Variants in VPS54 observed in about 807,000 individuals in gnomAD.
VPS54 encodes the protein VPS54 subunit of GARP complex.
Under a neutral mutation model 121.5 loss-of-function variants are expected in VPS54, and 45 were observed. That is an observed-to-expected ratio of 0.37 (90% CI 0.29 to 0.47). The LOEUF is 0.47. Ranked by LOEUF, VPS54 falls within the 20% of genes least tolerant of loss-of-function variation. The pLI is 0.99. For missense variants in VPS54, 1,090 were observed against 1,131.4 expected (o/e 0.96, Z 0.52); for synonymous variants, 371 against 385.8 (o/e 0.96, Z 0.45).
intron 20 of VPS54, among the ~76,000 whole-genome samples, chr2:63,904,697 C>G (rs1672834265): frequency 6.6e-6 from 1 of 152,096 alleles, no homozygotes; most frequent in South Asian, 2.1e-4. Context: ...CCAACCAACA[C>G]CACTTAGTTG....
chr2:64,004,819 C>T (rs1248814781), intron 1 of VPS54, among the ~76,000 whole-genome samples: 1 of 152,166 alleles, frequency 6.6e-6, no homozygotes, highest in African/African-American at 2.4e-5. Flanking sequence ...CTCACTGTCA[C>T]CCAGGCTGGA....
chr2:63,902,414 C>T (rs1300578185), intron 20 of VPS54, among the ~76,000 whole-genome samples: 1 of 152,166 alleles, frequency 6.6e-6, no homozygotes, highest in Non-Finnish European at 1.5e-5. Flanking sequence ...ACAAAACAGA[C>T]ACCTAGCTTG....
chr2:63,911,717 A>G (rs1305979424), intron 20 of VPS54, among the ~76,000 whole-genome samples: 1 of 152,224 alleles, frequency 6.6e-6, no homozygotes, highest in Non-Finnish European at 1.5e-5. Context: ...GTTCTTTGCT[A>G]TTAAGGTTAT....
chr2:63,977,973 G>T (rs528090876), intron 3 of VPS54, among the ~76,000 whole-genome samples: 2 of 152,256 alleles, frequency 1.3e-5, no homozygotes, highest in South Asian at 4.1e-4. Context: ...CTTAAATAAG[G>T]TCTGAGACAT....
intron 13 of VPS54, 98 bp from the exon 14 acceptor site, chr2:63,920,725 A>G: frequency 1.5e-6 from 1 of 675,774 alleles, no homozygotes. Flanking sequence ...TATATTTTTT[A>G]TTTTAATAAT....
intron 3 of VPS54, among the ~76,000 whole-genome samples, chr2:63,980,308 T>C (rs1218731658): frequency 6.6e-6 from 1 of 152,146 alleles, no homozygotes; most frequent in Non-Finnish European, 1.5e-5. Flanking sequence ...TATATATTTT[T>C]TCCTCCTTTC....
At position 63,893,194 on chromosome 2, in the gene VPS54, G is replaced by GA; in HGVS notation, c.*235dup. On this transcript the variant is annotated 3_prime_UTR_variant, in exon 23 of 23. Coordinates refer to ENST00000272322, the MANE Select transcript of VPS54 (RefSeq NM_016516.3). ...ACCTGAGTCTGTTTCCAGAGAGAAT[G>GA]AAAAATGTTATAGACACCTGATCAG... The GA allele has an allele frequency of 1.8e-6, 1 of 557,558 alleles. No individual in the cohort carries two copies. Among genetic ancestry groups the GA allele is most frequent in the South Asian group, 2.0e-5 (1 of 49,640 alleles). 34.5% of individuals were successfully genotyped at this position (557,558 alleles called of 1,614,324 possible).
intron 2 of VPS54, 148 bp from the exon 3 acceptor site, chr2:63,982,035 T>A: frequency 1.1e-6 from 1 of 877,340 alleles, no homozygotes; most frequent in Non-Finnish European, 1.6e-6. Context: ...AAAATCAATC[T>A]GATTGAATAA....
Position 63,953,150 on chromosome 2 carries a change from T to A in VPS54, c.1011-3987A>T, listed in dbSNP as rs968212739. Reference sequence around the variant, plus strand: ...AATTTTTTTTTTTTTTTTTTTTTTTTAGACAGAGTCTCCCTCTGTTGCCTA... The same window carrying A: ...AATTTTTTTTTTTTTTTTTTTTTTTAAGACAGAGTCTCCCTCTGTTGCCTA... On this transcript the variant is annotated intron_variant, in intron 7 of 22. Transcript: ENST00000272322. Among the ~76,000 whole-genome samples, 56 of 148,518 alleles carry A rather than the reference T, an allele frequency of 3.8e-4. No homozygotes were observed. The South Asian group carries it at 0.012, about 31-fold the overall frequency.
At chr2:63,989,735 T>C (rs1235302317) in intron 1 of VPS54, among the ~76,000 whole-genome samples, 1 of 152,162 alleles carries the variant, frequency 6.6e-6, no homozygotes, top group Non-Finnish European at 1.5e-5. Context: ...AAATTATGCT[T>C]ATCTCTTCTA....
intron 20 of VPS54, among the ~76,000 whole-genome samples, chr2:63,907,812 A>G (rs1672969796): frequency 6.6e-6 from 1 of 152,210 alleles, no homozygotes; most frequent in African/African-American, 2.4e-5. Context: ...GCAAACAAGC[A>G]CATGAAAAGA....
intron 17 of VPS54, chr2:63,913,855 G>A (rs182780074): frequency 1.4e-5 from 15 of 1,088,502 alleles, no homozygotes; most frequent in Non-Finnish European, 1.6e-5. Flanking sequence ...AAAGTTCAGT[G>A]AATTCCTTCC....
rs189127881 is a variant in VPS54 at position 63,966,770 on chromosome 2, C to T, written c.493-804G>A. Among the ~76,000 whole-genome samples the T allele has an allele frequency of 1.5e-3, 232 of 152,340 alleles. 2 individuals are homozygous for T. Among genetic ancestry groups the T allele is most frequent in the Non-Finnish European group, 2.7e-3 (186 of 68,024 alleles). Reference sequence around the variant, plus strand: ...ACCCACTTACCTCTTTGTATCTTGTCACTCCCACTATTTACCCATTACACT... The same window carrying T: ...ACCCACTTACCTCTTTGTATCTTGTTACTCCCACTATTTACCCATTACACT... On this transcript the variant is annotated intron_variant, in intron 5 of 22. Transcript: ENST00000272322.
At chr2:63,986,184 C>T (rs930841720) in intron 1 of VPS54, among the ~76,000 whole-genome samples, 4 of 152,156 alleles carry the variant, frequency 2.6e-5, no homozygotes, top group Non-Finnish European at 5.9e-5. Context: ...TTACTCTAAT[C>T]ACCCTGTTAG....
chr2:63,928,695 A>G (rs965282068), intron 12 of VPS54, among the ~76,000 whole-genome samples: 1 of 152,202 alleles, frequency 6.6e-6, no homozygotes, highest in African/African-American at 2.4e-5. Flanking sequence ...AAATGCCCCA[A>G]TTAAAAGACA....
At chr2:63,953,289 A>AC (rs1331098993) in intron 7 of VPS54, among the ~76,000 whole-genome samples, 3 of 151,580 alleles carry the variant, frequency 2.0e-5, no homozygotes, top group African/African-American at 7.3e-5. Flanking sequence ...GCACCACCAC[A>AC]CCCAGCTAAT....
chr2:63,928,543 C>T (rs1490120334), intron 12 of VPS54, among the ~76,000 whole-genome samples: 1 of 152,094 alleles, frequency 6.6e-6, no homozygotes, highest in Non-Finnish European at 1.5e-5. Flanking sequence ...TGGTACCAGA[C>T]ACTGCAAAAA....
At chr2:63,978,359 A>G (rs866838926) in intron 3 of VPS54, among the ~76,000 whole-genome samples, 3 of 152,342 alleles carry the variant, frequency 2.0e-5, no homozygotes, top group South Asian at 2.1e-4. Context: ...AGCATACGGT[A>G]CAATATTTAA....
rs1258668589 is a variant in VPS54, at chr2:63,909,396, CCTTA to C, written c.2625+2945_2625+2948del. The stretch of plus-strand genomic sequence containing the variant: ...TTTCATCCTACCCAGGCAATGGTAC[CCTTA>C]CTTATTAGCTGCCTTTTTTTTTTTT... On this transcript the variant is annotated intron_variant, in intron 20 of 22. Coordinates refer to ENST00000272322, the MANE Select transcript of VPS54 (RefSeq NM_016516.3). Among the ~76,000 whole-genome samples, 4 of 149,274 alleles carry C rather than the reference CCTTA, an allele frequency of 2.7e-5. No homozygotes were observed. In the East Asian group the frequency reaches 7.8e-4, roughly 29 times the overall value.
Sources: gnomAD v4.1 joint callset for allele counts (sites outside exome capture counted in the v4.1 genomes callset) on GRCh38, gnomAD v4.1.1 for gene constraint, MANE v1.5 for transcripts, NCBI Gene and HGNC (gene_info 2026-07-23, HGNC 2026-07-21) for gene names.